The following HLCS variants were observed in gnomAD, a reference collection of about 807,000 sequenced individuals.
The protein encoded by HLCS is holocarboxylase synthetase.
A neutral mutation model predicts 75.0 loss-of-function variants in HLCS; 53 were observed. That is an observed-to-expected ratio of 0.71 (90% confidence interval 0.57 to 0.89). The LOEUF is 0.89. Among genes scored for constraint, HLCS ranks in the 40% least tolerant of loss-of-function variants. The probability of loss-of-function intolerance (pLI) is 0.00; values close to 1 mark genes in which losing one functional copy is unlikely to be tolerated. For synonymous variants in HLCS, 431 were observed against 428.6 expected (o/e 1.01, Z -0.07); for missense variants, 966 against 1,074.0 (o/e 0.90, Z 1.41).
chr21:36,757,271 T>G (rs1020203074), intron 9 of HLCS, among the ~76,000 whole-genome samples: 1 of 152,208 alleles, frequency 6.6e-6, no homozygotes, highest in Non-Finnish European at 1.5e-5. Context: ...ATGCATCTTT[T>G]AATACTTTAT....
At chr21:36,917,521 C>A (rs561049649) in intron 5 of HLCS, among the ~76,000 whole-genome samples, 1 of 152,204 alleles carries the variant, frequency 6.6e-6, no homozygotes, top group South Asian at 2.1e-4. Flanking sequence ...CTTATTGGCA[C>A]CGAATGAAAA....
Position 36,838,298 on chromosome 21 carries a change from T to TCACACACACACA in HLCS, c.1892+58550_1892+58561dup, listed in dbSNP as rs148428941. ...TTTCTTTCTGCAGTGGGGTGAATGA[T>TCACACACACACA]CACACACACACACACACACACACAC... On this transcript the variant is annotated intron_variant, in intron 6 of 10. Coordinates refer to ENST00000674895, the MANE Select transcript of HLCS (RefSeq NM_001352514.2). 1.4e-3 allele frequency among the ~76,000 whole-genome samples: 183 copies of TCACACACACACA among 127,344 alleles called. 1 individual carries two copies. The highest frequency in any genetic ancestry group is 0.011 in the Middle Eastern group (3 of 262). The allele number at this position is 127,344 out of a possible 152,430, so 83.5% of individuals were successfully genotyped here. A position where few individuals can be genotyped will look rare whatever the true frequency, so the allele number is the denominator to read the frequency against.
chr21:36,777,191 T>C (rs1181293754), intron 6 of HLCS, among the ~76,000 whole-genome samples: 1 of 152,208 alleles, frequency 6.6e-6, no homozygotes, highest in African/African-American at 2.4e-5. Context: ...CATGTCAGCA[T>C]TACACAGAAC....
rs1446501939 is a variant in HLCS, at chr21:36,983,849, A to AAT, written c.-393+6308_-393+6309insAT. On this transcript the variant is annotated intron_variant, in intron 1 of 11. Transcript: ENST00000336648. Reference sequence around the variant, plus strand: ...GAGACTCCGTCTCAAAAAAAAAAAAATTTTTTTTTTTTAAGACAGGGTATA... The same window carrying AAT: ...GAGACTCCGTCTCAAAAAAAAAAAAAATTTTTTTTTTTTTAAGACAGGGTATA... 3.4e-5 allele frequency among the ~76,000 whole-genome samples: 5 copies of AAT among 148,518 alleles called. No homozygotes were observed. The East Asian group carries it at 1.0e-3, about 30-fold the overall frequency.
chr21:36,757,017 T>C, intron 9 of HLCS: 7 of 896,394 alleles, frequency 7.8e-6, no homozygotes, highest in Non-Finnish European at 9.3e-6. Context: ...AAAGCCACAT[T>C]TGATTCAATT....
chr21:36,791,243 G>A (rs543101263), intron 6 of HLCS, among the ~76,000 whole-genome samples: 2 of 152,040 alleles, frequency 1.3e-5, no homozygotes, highest in Non-Finnish European at 2.9e-5. Flanking sequence ...TAGGATGTCC[G>A]GGGCAACAAC....
chr21:36,860,920 C>T (rs1173193152), intron 6 of HLCS, among the ~76,000 whole-genome samples: 2 of 152,220 alleles, frequency 1.3e-5, no homozygotes, highest in Non-Finnish European at 2.9e-5. Context: ...TACCGTCCAC[C>T]TGGGTTTATT....
chr21:36,939,318 A>G (rs947371043), intron 2 of HLCS, among the ~76,000 whole-genome samples: 3 of 152,200 alleles, frequency 2.0e-5, no homozygotes, highest in African/African-American at 4.8e-5. Context: ...CCCTTTAAAA[A>G]CAGAGAAGAG....
intron 10 of HLCS, among the ~76,000 whole-genome samples, chr21:36,756,170 G>A (rs1202598060): frequency 6.6e-6 from 1 of 152,020 alleles, no homozygotes; most frequent in Non-Finnish European, 1.5e-5. Context: ...CGGGCGCGGT[G>A]GCTCACACCT....
chr21:36,749,881 A>G lies in HLCS; in HGVS notation c.*4365T>C, dbSNP rs2089315120. The G allele has an allele frequency of 6.6e-6, 1 of 152,234 alleles. No homozygotes were observed. The highest frequency in any genetic ancestry group is 6.5e-5 in the Admixed American group (1 of 15,284). 9.4% of individuals were successfully genotyped at this position (152,234 alleles called of 1,614,324 possible). ...TCGGAGCAGTTCAATAACAAAGGTT[A>G]CTGTTGAGAAAAAAGACCCTATCAT... On this transcript the variant is annotated 3_prime_UTR_variant, in exon 11 of 11. Coordinates refer to ENST00000674895, the MANE Select transcript of HLCS (RefSeq NM_001352514.2).
chr21:36,870,703 T>C (rs2063739595), intron 6 of HLCS, among the ~76,000 whole-genome samples: 1 of 152,126 alleles, frequency 6.6e-6, no homozygotes, highest in Non-Finnish European at 1.5e-5. Context: ...TGAGGAAAAA[T>C]ATCTTAAGGA....
chr21:36,875,694 T>G (rs1271068360), intron 6 of HLCS, among the ~76,000 whole-genome samples: 1 of 152,216 alleles, frequency 6.6e-6, no homozygotes, highest in Non-Finnish European at 1.5e-5. Flanking sequence ...CTCTCTGCCT[T>G]GCTCGCCCTC....
At chr21:36,893,953 T>C (rs1471899426) in intron 6 of HLCS, among the ~76,000 whole-genome samples, 2 of 152,218 alleles carry the variant, frequency 1.3e-5, no homozygotes, top group Non-Finnish European at 2.9e-5. Context: ...TCCATAAGTA[T>C]AGCTCGTTAA....
intron 2 of HLCS, among the ~76,000 whole-genome samples, chr21:36,940,678 G>A (rs1171171710): frequency 2.0e-5 from 3 of 152,122 alleles, no homozygotes; most frequent in Non-Finnish European, 2.9e-5. Flanking sequence ...TGCAAGACAC[G>A]CCACTTCTGC....
intron 6 of HLCS, among the ~76,000 whole-genome samples, chr21:36,805,073 C>A (rs938415598): frequency 6.6e-6 from 1 of 152,132 alleles, no homozygotes; most frequent in Non-Finnish European, 1.5e-5. Context: ...TGAAGGATTC[C>A]GACTTTCCAC....
chr21:36,938,867 T>G lies in HLCS; in HGVS notation c.458A>C (p.His153Pro). The G allele has an allele frequency of 6.2e-6, 10 of 1,614,154 alleles. No individual in the cohort carries two copies. Among genetic ancestry groups the G allele is most frequent in the Non-Finnish European group, 8.5e-6 (10 of 1,180,022 alleles). ...TTGGGGTACCAGTCCATTATCCATG[T>G]GGAGTCTATCTTCCATGAACGCCAC... is the stretch of plus-strand genomic sequence containing the variant. ...LGVAFMEDRLHMDNGLVPQKI... is the reference protein window; with the variant it reads ...LGVAFMEDRLPMDNGLVPQKI... Residue 153 changes from histidine to proline, a missense_variant, in exon 3 of 11, where the codon CAC becomes CCC. Transcript: ENST00000674895.
chr21:36,925,544 G>C (rs537018569), intron 5 of HLCS, among the ~76,000 whole-genome samples: 1 of 152,142 alleles, frequency 6.6e-6, no homozygotes. Context: ...TAAAGGTGCC[G>C]ACCTTCCTAG....
intron 2 of HLCS, among the ~76,000 whole-genome samples, chr21:36,953,828 G>C (rs2067785583): frequency 1.3e-5 from 2 of 152,038 alleles, no homozygotes. Context: ...ATTTAATACA[G>C]TCATGTACCA....
intron 10 of HLCS, among the ~76,000 whole-genome samples, chr21:36,756,201 G>A (rs991675718): frequency 1.3e-5 from 2 of 152,032 alleles, no homozygotes; most frequent in Non-Finnish European, 2.9e-5. Flanking sequence ...CACTTTGGGA[G>A]GCCAAGGCGG....
Sources: allele counts gnomAD v4.1 joint callset (sites outside exome capture counted in the v4.1 genomes callset), GRCh38; gene constraint gnomAD v4.1.1; transcripts MANE v1.5; gene names NCBI Gene and HGNC (gene_info 2026-07-23, HGNC 2026-07-21).